The following NSMCE2 variants were observed in gnomAD, a reference collection of about 807,000 sequenced individuals.
NSMCE2 encodes NSE2 SUMO ligase component of SMC5/6 complex, also known as E3 SUMO-protein ligase NSE2.
In NSMCE2, 24 loss-of-function variants were observed where a neutral mutation model predicts 23.8. The ratio of observed to expected loss-of-function variants is 1.01; its 90% CI spans 0.73 to 1.42. The LOEUF is 1.42. NSMCE2 is among the 40% of genes most tolerant of loss of function. NSMCE2 has a pLI of 0.00. For missense variants in NSMCE2, 284 were observed against 296.5 expected (o/e 0.96, Z 0.31); for synonymous variants, 92 against 94.1 (o/e 0.98, Z 0.13).
At chr8:125,252,793 T>C (rs1226601240) in intron 5 of NSMCE2, among the ~76,000 whole-genome samples, 1 of 152,242 alleles carries the variant, frequency 6.6e-6, no homozygotes, top group African/African-American at 2.4e-5. Flanking sequence ...ATTTAAGCAG[T>C]GCATAGATTA....
At chr8:125,337,040 A>G (rs1326084859) in intron 5 of NSMCE2, among the ~76,000 whole-genome samples, 1 of 152,238 alleles carries the variant, frequency 6.6e-6, no homozygotes, top group Non-Finnish European at 1.5e-5. Context: ...TTGTGAAATT[A>G]TGGGTTTGCA....
At chr8:125,353,078 T>C (rs1165556686) in intron 5 of NSMCE2, among the ~76,000 whole-genome samples, 1 of 152,188 alleles carries the variant, frequency 6.6e-6, no homozygotes, top group African/African-American at 2.4e-5. Context: ...GGCATTGCAT[T>C]TGAGTTGTGC....
intron 5 of NSMCE2, among the ~76,000 whole-genome samples, chr8:125,325,882 G>C (rs148711548): frequency 0.016 from 2,367 of 152,272 alleles, 51 homozygotes; most frequent in African/African-American, 0.054. Context: ...AACCTGGGAG[G>C]CGGAGGTTGC....
At chr8:125,146,594 T>TA (rs1820685375) in intron 3 of NSMCE2, among the ~76,000 whole-genome samples, 1 of 152,136 alleles carries the variant, frequency 6.6e-6, no homozygotes, top group South Asian at 2.1e-4. Flanking sequence ...ATGTCCTTTG[T>TA]AGGGACATGG....
At chr8:125,114,792 T>C (rs1818918380) in intron 3 of NSMCE2, among the ~76,000 whole-genome samples, 1 of 152,214 alleles carries the variant, frequency 6.6e-6, no homozygotes, top group Non-Finnish European at 1.5e-5. Flanking sequence ...TACACATACA[T>C]ACACATACAT....
chr8:125,351,339 T>C (rs1813023997), intron 5 of NSMCE2: 1 of 151,974 alleles, frequency 6.6e-6, no homozygotes, highest in African/African-American at 2.4e-5. Context: ...CCTTTTGGTG[T>C]ACATTTTGTG....
chr8:125,181,678 C>T (rs187734626), intron 4 of NSMCE2, among the ~76,000 whole-genome samples: 91 of 151,498 alleles, frequency 6.0e-4, no homozygotes, highest in Non-Finnish European at 6.5e-4. Flanking sequence ...AGAAGTGACT[C>T]TGACCTGCTA....
chr8:125,303,285 A>G (rs1828633728), intron 5 of NSMCE2, among the ~76,000 whole-genome samples: 1 of 152,178 alleles, frequency 6.6e-6, no homozygotes, highest in African/African-American at 2.4e-5. Context: ...GAATGGACAC[A>G]CCCTAAGTCA....
chr8:125,182,355 G>C, intron 5 of NSMCE2, 99 bp downstream of exon 5: 1 of 916,818 alleles, frequency 1.1e-6, no homozygotes, highest in African/African-American at 1.7e-5. Context: ...TTGCTTATCT[G>C]CTTGGCTTGA....
chr8:125,137,692 G>A (rs1016997223), intron 3 of NSMCE2, among the ~76,000 whole-genome samples: 4 of 152,154 alleles, frequency 2.6e-5, no homozygotes, highest in African/African-American at 9.7e-5. Context: ...TATGCCCAAA[G>A]GGTGGTGATT....
intron 5 of NSMCE2, among the ~76,000 whole-genome samples, chr8:125,228,156 G>C (rs1165867333): frequency 6.6e-6 from 1 of 151,936 alleles, no homozygotes; most frequent in South Asian, 2.1e-4. Flanking sequence ...TTTTATTTAT[G>C]AATTATAAAG....
At chr8:125,162,393 A>G (rs1821672239) in intron 4 of NSMCE2, among the ~76,000 whole-genome samples, 1 of 152,242 alleles carries the variant, frequency 6.6e-6, no homozygotes, top group Non-Finnish European at 1.5e-5. Context: ...CTCAGAATGT[A>G]GAATTAAACC....
At chr8:125,231,847 G>A (rs1360577734) in intron 5 of NSMCE2, among the ~76,000 whole-genome samples, 1 of 152,158 alleles carries the variant, frequency 6.6e-6, no homozygotes, top group Admixed American at 6.5e-5. Context: ...CCTCTTGAAA[G>A]AAGGAACACA....
At chr8:125,092,676 C>T (rs1166162668) in intron 1 of NSMCE2, among the ~76,000 whole-genome samples, 1 of 152,072 alleles carries the variant, frequency 6.6e-6, no homozygotes, top group Non-Finnish European at 1.5e-5. Flanking sequence ...TACAAGGCTC[C>T]CATGGATTTA....
intron 5 of NSMCE2, among the ~76,000 whole-genome samples, chr8:125,302,110 C>T (rs1828590091): frequency 6.6e-6 from 1 of 152,140 alleles, no homozygotes; most frequent in Non-Finnish European, 1.5e-5. Context: ...GTGCGTGGTA[C>T]CACACCCAGC....
chr8:125,145,508 A>T (rs1820630026), intron 3 of NSMCE2, among the ~76,000 whole-genome samples: 1 of 152,044 alleles, frequency 6.6e-6, no homozygotes, highest in South Asian at 2.1e-4. Context: ...CCATGTATTT[A>T]TTGGCTTGTA....
At chr8:125,151,549 G>T (rs1821030950) in intron 4 of NSMCE2, among the ~76,000 whole-genome samples, 1 of 152,126 alleles carries the variant, frequency 6.6e-6, no homozygotes, top group South Asian at 2.1e-4. Flanking sequence ...CTTTGAATGT[G>T]AGGAGATTTT....
rs549946621 is a variant in NSMCE2 at position 125,132,105 on chromosome 8, G to A, written c.158-19066G>A. Among the ~76,000 whole-genome samples, 8 of 152,140 alleles carry A rather than the reference G, an allele frequency of 5.3e-5. No homozygotes were observed. In the South Asian group the frequency reaches 1.7e-3, roughly 32 times the overall value. On this transcript the variant is annotated intron_variant, in intron 3 of 7. Coordinates refer to ENST00000287437, the MANE Select transcript of NSMCE2 (RefSeq NM_173685.4). Reference sequence around the variant, plus strand: ...TATTCATATTCTTCTTCTTCTTATGGGGAGTTGGTGGGTACAGGATCTTGC... The same window carrying A: ...TATTCATATTCTTCTTCTTCTTATGAGGAGTTGGTGGGTACAGGATCTTGC...
At chr8:125,288,751 T>A (rs1471643791) in intron 5 of NSMCE2, among the ~76,000 whole-genome samples, 1 of 151,860 alleles carries the variant, frequency 6.6e-6, no homozygotes, top group Non-Finnish European at 1.5e-5. Context: ...AGGCTAGGAG[T>A]TTTTTTTAGG....
Sources: allele counts gnomAD v4.1 joint callset (sites outside exome capture counted in the v4.1 genomes callset), GRCh38; gene constraint gnomAD v4.1.1; transcripts MANE v1.5; gene names NCBI Gene and HGNC (gene_info 2026-07-23, HGNC 2026-07-21).